The following BBS9 variants were observed in gnomAD, a reference collection of about 807,000 sequenced individuals.
BBS9 encodes protein PTHB1.
BBS9 carries 89 observed loss-of-function variants against 117.7 expected under a neutral mutation model. The observed-to-expected ratio is 0.76, with a 90% confidence interval of 0.64 to 0.90. The LOEUF is 0.90. Ranked by LOEUF, BBS9 falls within the 40% of genes least tolerant of loss-of-function variation. The pLI is 0.00. For synonymous variants in BBS9, 379 were observed against 370.9 expected (o/e 1.02, Z -0.25); for missense variants, 982 against 1,042.2 (o/e 0.94, Z 0.80).
intron 9 of BBS9, among the ~76,000 whole-genome samples, chr7:33,280,919 T>TG (rs1406386117): frequency 6.8e-6 from 1 of 147,388 alleles, no homozygotes; most frequent in Non-Finnish European, 1.5e-5. Context: ...TTGTTTTTTT[T>TG]TTTTTTTTTT....
At chr7:33,593,040 A>G (rs1353527596) in intron 21 of BBS9, among the ~76,000 whole-genome samples, 2 of 152,298 alleles carry the variant, frequency 1.3e-5, no homozygotes, top group Non-Finnish European at 1.5e-5. Flanking sequence ...TAGAAAAGGA[A>G]AGTATTTGAA....
intron 17 of BBS9, among the ~76,000 whole-genome samples, chr7:33,382,179 T>TGACCCAGTGTGGCAGCTCATGTCTGTA (rs1825169250): frequency 6.6e-6 from 1 of 152,126 alleles, no homozygotes; most frequent in African/African-American, 2.4e-5. Context: ...GTATAATTCC[T>TGACCCAGTGTGGCAGCTCATGTCTGTA]GACCCAGTGT....
intron 19 of BBS9, among the ~76,000 whole-genome samples, chr7:33,399,236 T>C (rs1380913583): frequency 6.6e-6 from 1 of 152,162 alleles, no homozygotes; most frequent in African/African-American, 2.4e-5. Flanking sequence ...TTTTTTTTCT[T>C]TCCATTAGTC....
chr7:33,237,966 C>A (rs1793808174), intron 5 of BBS9, among the ~76,000 whole-genome samples: 1 of 152,254 alleles, frequency 6.6e-6, no homozygotes, highest in Non-Finnish European at 1.5e-5. Flanking sequence ...CTCTTCTCTT[C>A]CTCTCCTCCC....
At chr7:33,293,084 G>A (rs1804419190) in intron 9 of BBS9, among the ~76,000 whole-genome samples, 1 of 151,720 alleles carries the variant, frequency 6.6e-6, no homozygotes, top group Non-Finnish European at 1.5e-5. Context: ...ACAGTCATGA[G>A]TTCAAGTGTT....
At chr7:33,475,977 C>T (rs764175443) in intron 19 of BBS9, among the ~76,000 whole-genome samples, 19 of 152,246 alleles carry the variant, frequency 1.2e-4, no homozygotes, top group South Asian at 4.1e-4. Flanking sequence ...GAGTCTGGTG[C>T]AATAAATACA....
chr7:33,182,148 G>GA (rs926432233), intron 5 of BBS9, among the ~76,000 whole-genome samples: 46 of 151,068 alleles, frequency 3.0e-4, no homozygotes, highest in East Asian at 1.2e-3. Context: ...TAGGCAAAAA[G>GA]AAAAAAAAAT....
chr7:33,574,913 C>T (rs1308855930), intron 21 of BBS9, among the ~76,000 whole-genome samples: 1 of 151,996 alleles, frequency 6.6e-6, no homozygotes, highest in East Asian at 1.9e-4. Context: ...AATATGCATA[C>T]TTTAAATACC....
chr7:33,266,944 C>A (rs1399220940), intron 7 of BBS9, among the ~76,000 whole-genome samples: 1 of 152,012 alleles, frequency 6.6e-6, no homozygotes, highest in East Asian at 1.9e-4. Flanking sequence ...GGGGTTTTGC[C>A]GTGTTGACCA....
intron 19 of BBS9, among the ~76,000 whole-genome samples, chr7:33,415,330 G>A (rs1018981598): frequency 1.3e-5 from 2 of 152,240 alleles, no homozygotes; most frequent in Non-Finnish European, 2.9e-5. Flanking sequence ...CCTTGAGTTT[G>A]GAAAGCATGT....
chr7:33,289,657 A>G (rs911568290), intron 9 of BBS9, among the ~76,000 whole-genome samples: 7 of 152,140 alleles, frequency 4.6e-5, no homozygotes, highest in Non-Finnish European at 8.8e-5. Flanking sequence ...TTACCTCCAA[A>G]TTTTAAATGG....
In BBS9 at chr7:33,618,696, T is replaced by G. The variant is rs368597977; in HGVS notation, c.2522-16481T>G. On this transcript the variant is annotated intron_variant, in intron 21 of 21. Coordinates refer to the BBS9 transcript ENST00000671952. Reference sequence around the variant, plus strand: ...ATATCAAGACCCCCATCTATTTTTTTAAAATGTAAATTATGACATTAATAA... The same window carrying G: ...ATATCAAGACCCCCATCTATTTTTTGAAAATGTAAATTATGACATTAATAA... Among the ~76,000 whole-genome samples, 5 of 152,106 alleles carry G rather than the reference T, an allele frequency of 3.3e-5. No homozygotes were observed. In the East Asian group the frequency reaches 9.7e-4, roughly 29 times the overall value.
intron 6 of BBS9, among the ~76,000 whole-genome samples, chr7:33,259,997 C>T (rs1325316265): frequency 3.8e-5 from 4 of 104,230 alleles, no homozygotes; most frequent in East Asian, 2.5e-4. Flanking sequence ...AAGACCTAGA[C>T]TTTTTTCTTT....
chr7:33,286,893 A>C (rs1289384946), intron 9 of BBS9, among the ~76,000 whole-genome samples: 1 of 152,122 alleles, frequency 6.6e-6, no homozygotes, highest in Non-Finnish European at 1.5e-5. Flanking sequence ...CAGAGGAAAA[A>C]GTTTATATTT....
chr7:33,478,203 T>C (rs1842057814), intron 19 of BBS9, among the ~76,000 whole-genome samples: 1 of 152,068 alleles, frequency 6.6e-6, no homozygotes, highest in African/African-American at 2.4e-5. Context: ...AAGACTCCAG[T>C]GGGATTCTGA....
At chr7:33,460,596 A>T (rs188340161) in intron 19 of BBS9, among the ~76,000 whole-genome samples, 39 of 151,548 alleles carry the variant, frequency 2.6e-4, no homozygotes, top group Admixed American at 5.3e-4. Context: ...GGTATTCTTA[A>T]TTTTTTTTTC....
Position 33,264,387 on chromosome 7 carries a change from T to C in BBS9, c.702+13T>C, listed in dbSNP as rs746339743. 1.3e-6 allele frequency: 2 copies of C among 1,515,708 alleles called. No homozygotes were observed. Among genetic ancestry groups the C allele is most frequent in the African/African-American group, 1.4e-5 (1 of 72,646 alleles). The allele number at this position is 1,515,708 out of a possible 1,614,324, so 93.9% of individuals were successfully genotyped here. On this transcript the variant is annotated intron_variant, in intron 7 of 22. Coordinates refer to ENST00000242067, the MANE Select transcript of BBS9 (RefSeq NM_198428.3). ...AAAAAGACTAGTTGTAAGGCCTTTT[T>C]TTAATATATAAAAATTTCAATAATG...
intron 19 of BBS9, among the ~76,000 whole-genome samples, chr7:33,438,974 A>G (rs1210801783): frequency 6.6e-6 from 1 of 152,184 alleles, no homozygotes; most frequent in Non-Finnish European, 1.5e-5. Context: ...GATTTTTATC[A>G]CTTTACCAGT....
intron 9 of BBS9, among the ~76,000 whole-genome samples, chr7:33,319,334 C>A (rs558852147): frequency 6.6e-6 from 1 of 152,168 alleles, no homozygotes; most frequent in South Asian, 2.1e-4. Flanking sequence ...TTTGTAATTG[C>A]AAATTGTGCT....
Sources: allele counts gnomAD v4.1 joint callset (sites outside exome capture counted in the v4.1 genomes callset), GRCh38; gene constraint gnomAD v4.1.1; transcripts MANE v1.5; gene names NCBI Gene and HGNC (gene_info 2026-07-23, HGNC 2026-07-21).